The following KCNMA1 variants were observed in gnomAD, a reference collection of about 807,000 sequenced individuals.
The protein encoded by KCNMA1 is potassium calcium-activated channel subfamily M alpha 1.
Under a neutral mutation model 140.0 loss-of-function variants are expected in KCNMA1, and 29 were observed. That is an observed-to-expected ratio of 0.21 (90% CI 0.15 to 0.28). KCNMA1 has a LOEUF of 0.28. KCNMA1 is among the 10% of genes least tolerant of loss of function. The pLI is 1.00. For synonymous variants in KCNMA1, 612 were observed against 611.9 expected (o/e 1.00, Z 0.00); for missense variants, 880 against 1,602.2 (o/e 0.55, Z 7.70).
At chr10:76,998,639 A>G (rs2085166685) in intron 19 of KCNMA1, among the ~76,000 whole-genome samples, 1 of 152,152 alleles carries the variant, frequency 6.6e-6, no homozygotes, top group Admixed American at 6.5e-5. Flanking sequence ...TGCCATTTCT[A>G]ATTGTCAAAC....
intron 14 of KCNMA1, among the ~76,000 whole-genome samples, chr10:77,067,547 A>T (rs576099192): frequency 6.6e-6 from 1 of 152,202 alleles, no homozygotes; most frequent in African/African-American, 2.4e-5. Context: ...TTCTGTAGAG[A>T]ACCCTAATAT....
chr10:77,100,094 T>C (rs1252151140), intron 9 of KCNMA1, among the ~76,000 whole-genome samples: 1 of 152,222 alleles, frequency 6.6e-6, no homozygotes, highest in Non-Finnish European at 1.5e-5. Context: ...TACTCAAGCT[T>C]CTGTTTCACT....
At chr10:77,613,521 T>G (rs1252055473) in intron 1 of KCNMA1, among the ~76,000 whole-genome samples, 1 of 152,138 alleles carries the variant, frequency 6.6e-6, no homozygotes, top group Non-Finnish European at 1.5e-5. Context: ...GAGCCCTCCT[T>G]ATAGGAGGCG....
chr10:77,041,073 C>A (rs1189250731), intron 14 of KCNMA1, among the ~76,000 whole-genome samples: 1 of 152,080 alleles, frequency 6.6e-6, no homozygotes, highest in Non-Finnish European at 1.5e-5. Flanking sequence ...TCTCTGCCCC[C>A]TGGGTTCAAG....
chr10:77,185,026 T>C (rs909913608), intron 3 of KCNMA1, 110 bp from the exon 4 acceptor site: 18 of 771,800 alleles, frequency 2.3e-5, no homozygotes, highest in Non-Finnish European at 3.7e-5. Context: ...AAATGAATAT[T>C]CATAAAAGAA....
At chr10:77,307,041 T>A (rs564270735) in intron 2 of KCNMA1, among the ~76,000 whole-genome samples, 2 of 152,204 alleles carry the variant, frequency 1.3e-5, no homozygotes, top group South Asian at 4.1e-4. Context: ...CCCAGACCAG[T>A]TGACACTCTC....
At chr10:77,478,353 G>T (rs1259631660) in intron 1 of KCNMA1, among the ~76,000 whole-genome samples, 1 of 152,212 alleles carries the variant, frequency 6.6e-6, no homozygotes, top group Non-Finnish European at 1.5e-5. Flanking sequence ...CTCTGCTCAT[G>T]ACTGAGAGGG....
chr10:77,572,655 C>G (rs2072082884), intron 1 of KCNMA1, among the ~76,000 whole-genome samples: 1 of 125,064 alleles, frequency 8.0e-6, no homozygotes, highest in South Asian at 2.6e-4. Flanking sequence ...ACTCAGGAGG[C>G]TGAGGCAGGA....
Position 77,099,797 on chromosome 10 carries a change from G to T in KCNMA1, c.1223+8684C>A, listed in dbSNP as rs1054872217. Reference sequence around the variant, plus strand: ...CAGGCCACAGCAGGACCTTTGTGGGGTCTGGAAAGGAGTGGACCTCAGGAT... The same window carrying T: ...CAGGCCACAGCAGGACCTTTGTGGGTTCTGGAAAGGAGTGGACCTCAGGAT... On this transcript the variant is annotated intron_variant, in intron 9 of 27. Coordinates refer to ENST00000286628, the MANE Select transcript of KCNMA1 (RefSeq NM_001161352.2). Among the ~76,000 whole-genome samples the T allele has an allele frequency of 4.6e-4, 70 of 152,136 alleles. 1 individual carries two copies. The highest frequency in any genetic ancestry group is 4.6e-4 in the Admixed American group (7 of 15,292).
At chr10:76,872,162 A>T (rs2031479786) in exon 28 of KCNMA1, 1 of 152,220 alleles carries the variant, frequency 6.6e-6, no homozygotes, top group Non-Finnish European at 1.5e-5. Context: ...TTAAAAATTT[A>T]TGTATCTATT....
rs116546993 is a variant in KCNMA1 at position 77,073,086 on chromosome 10, C to A, written c.1749+11G>T. ...CCCGAGCTAATGTGCTCTAATAAGA[C>A]GAGACGTTACCTTTATGAATGACCT... On this transcript the variant is annotated intron_variant, in intron 14 of 27. Transcript: ENST00000286628. 2 of 1,613,530 alleles carry A rather than the reference C, an allele frequency of 1.2e-6. No homozygotes were observed. Among genetic ancestry groups the A allele is most frequent in the Admixed American group, 1.7e-5 (1 of 60,016 alleles).
chr10:77,198,557 CATATATATGTGATATATATATAT>C (rs2041392141), intron 3 of KCNMA1, among the ~76,000 whole-genome samples: 1 of 99,698 alleles, frequency 1.0e-5, no homozygotes, highest in South Asian at 4.1e-4. Context: ...CAGCAAAAAG[CATATATATGTGATATATATATAT>C]ATATATATAT....
downstream of KCNMA1, among the ~76,000 whole-genome samples, chr10:76,883,120 A>C (rs890961504): frequency 1.3e-5 from 2 of 152,182 alleles, no homozygotes; most frequent in Admixed American, 1.3e-4. Flanking sequence ...AGGCATACTC[A>C]GTGTCTCTAC....
intron 2 of KCNMA1, chr10:77,373,699 A>T (rs2094896996): frequency 6.6e-6 from 1 of 152,120 alleles, no homozygotes; most frequent in Non-Finnish European, 1.5e-5. Context: ...GTTTCCAGTC[A>T]TCCATCCCAC....
chr10:77,295,973 G>A (rs2075003708), intron 2 of KCNMA1, among the ~76,000 whole-genome samples: 1 of 152,056 alleles, frequency 6.6e-6, no homozygotes, highest in South Asian at 2.1e-4. Context: ...GCAAAATGCA[G>A]TGCTCCCTGA....
At chr10:76,909,880 G>T in intron 25 of KCNMA1, 86 bp downstream of exon 25, 1 of 1,472,824 alleles carries the variant, frequency 6.8e-7, no homozygotes, top group Non-Finnish European at 9.3e-7. Flanking sequence ...TGTGGCCCCA[G>T]TGCAGCCCAG....
At chr10:77,505,288 G>A (rs1426015165) in intron 1 of KCNMA1, among the ~76,000 whole-genome samples, 1 of 152,228 alleles carries the variant, frequency 6.6e-6, no homozygotes, top group Non-Finnish European at 1.5e-5. Flanking sequence ...GACTACCACT[G>A]GCAACCCTTG....
Position 77,624,675 on chromosome 10 carries a change from T to G in KCNMA1, c.378+12590A>C, listed in dbSNP as rs186088143. The stretch of plus-strand genomic sequence containing the variant: ...TATTGAAATCATGAAATCAGAGAAT[T>G]TGTTATATGCATGAGAAAACTAAGG... On this transcript the variant is annotated intron_variant, in intron 1 of 27. Transcript: ENST00000286628. 7.2e-5 allele frequency among the ~76,000 whole-genome samples: 11 copies of G among 152,290 alleles called. No homozygotes were observed. The East Asian group carries it at 2.1e-3, about 29-fold the overall frequency.
intron 1 of KCNMA1, among the ~76,000 whole-genome samples, chr10:77,571,340 G>A (rs2071214365): frequency 6.6e-6 from 1 of 152,184 alleles, no homozygotes; most frequent in Non-Finnish European, 1.5e-5. Context: ...CTACAAGTAT[G>A]TCCCTCCAGA....
Sources: allele counts gnomAD v4.1 joint callset (sites outside exome capture counted in the v4.1 genomes callset), GRCh38; gene constraint gnomAD v4.1.1; transcripts MANE v1.5; gene names NCBI Gene and HGNC (gene_info 2026-07-23, HGNC 2026-07-21).